TBL1Y: variants seen among roughly 807,000 people sequenced by gnomAD.
The protein encoded by TBL1Y is transducin beta like 1 Y-linked.
In TBL1Y, 15 loss-of-function variants were observed where a neutral mutation model predicts 12.0. The ratio of observed to expected loss-of-function variants is 1.25; its 90% CI spans 0.83 to 1.92. The LOEUF (loss-of-function observed/expected upper bound fraction) is 1.92. Among genes scored for constraint, TBL1Y ranks in the 40% most tolerant of loss-of-function variants. TBL1Y has a pLI of 0.00. For synonymous variants in TBL1Y, 53 were observed against 42.6 expected, an observed-to-expected ratio of 1.24 and a Z score of -0.95; for missense variants, 148 against 116.7, an observed-to-expected ratio of 1.27 and a Z score of -1.24.
chrY:7,021,701 C>G (rs903759308), intron 5 of TBL1Y, among the ~76,000 whole-genome samples, 164 bp downstream of exon 5: 4 of 33,537 alleles, frequency 1.2e-4, no homozygotes, highest in Admixed American at 5.5e-4. Flanking sequence ...TTAGAGAAAC[C>G]ATTATTAAAT....
At chrY:6,965,190 G>T (rs761839178) in intron 2 of TBL1Y, among the ~76,000 whole-genome samples, 1 of 32,787 alleles carries the variant, frequency 3.0e-5, no homozygotes, top group East Asian at 8.1e-4. Flanking sequence ...GGAGTTGGTG[G>T]CCATCATCGT....
chrY:6,984,281 T>C, intron 3 of TBL1Y, among the ~76,000 whole-genome samples: 1 of 32,950 alleles, frequency 3.0e-5, no homozygotes, highest in Non-Finnish European at 7.5e-5. Context: ...CCTGTACTGG[T>C]TGGGTGCGGA....
intron 14 of TBL1Y, among the ~76,000 whole-genome samples, chrY:7,085,161 TACACACACACAC>T (rs35028329): frequency 1.8e-4 from 3 of 16,917 alleles, no homozygotes; most frequent in Non-Finnish European, 3.8e-4. Flanking sequence ...CTGTAAAAAA[TACACACACACAC>T]ACACACACAC....
chrY:6,963,095 G>A (rs916933058), intron 2 of TBL1Y, among the ~76,000 whole-genome samples: 1 of 32,947 alleles, frequency 3.0e-5, no homozygotes, highest in Non-Finnish European at 7.5e-5. Context: ...AACAAGTCTC[G>A]GCCCCATAAA....
At chrY:7,045,005 G>C in intron 7 of TBL1Y, among the ~76,000 whole-genome samples, 1 of 32,701 alleles carries the variant, frequency 3.1e-5, no homozygotes, top group East Asian at 8.0e-4. Flanking sequence ...TAAAAACTCT[G>C]GTGTCTGTGC....
chrY:6,948,574 C>G, intron 2 of TBL1Y, among the ~76,000 whole-genome samples: 1 of 25,873 alleles, frequency 3.9e-5, no homozygotes, highest in African/African-American at 1.6e-4. Flanking sequence ...ACTCCGGAGG[C>G]TGAGGCCAGA....
intron 4 of TBL1Y, among the ~76,000 whole-genome samples, chrY:6,996,927 C>T (rs2012414812): frequency 3.1e-5 from 1 of 32,676 alleles, no homozygotes; most frequent in Admixed American, 2.8e-4. Context: ...CAGTTCCATC[C>T]ATCCTGGGTA....
intron 3 of TBL1Y, among the ~76,000 whole-genome samples, chrY:6,988,532 C>T (rs1603034474): frequency 1.6e-4 from 5 of 30,810 alleles, no homozygotes; most frequent in East Asian, 8.2e-4. Flanking sequence ...TGGAGGTGCG[C>T]GCCTGTAATC....
intron 13 of TBL1Y, among the ~76,000 whole-genome samples, chrY:7,076,925 A>G (rs2013065400): frequency 3.7e-5 from 1 of 26,849 alleles, no homozygotes; most frequent in Non-Finnish European, 8.7e-5. Context: ...AAAAAAAAAA[A>G]AAAAAGAGAG....
chrY:6,998,814 A>C, intron 4 of TBL1Y, among the ~76,000 whole-genome samples: 3 of 33,377 alleles, frequency 9.0e-5, no homozygotes, highest in African/African-American at 3.5e-4. Flanking sequence ...GCCTCAAGAC[A>C]TGTAGGAAAT....
chrY:7,027,813 T>C, intron 6 of TBL1Y, among the ~76,000 whole-genome samples: 1 of 33,615 alleles, frequency 3.0e-5, no homozygotes, highest in Admixed American at 2.7e-4. Context: ...CTCAAGCACC[T>C]GTACTGTCAT....
chrY:7,037,543 A>G (rs2012700226), intron 6 of TBL1Y, among the ~76,000 whole-genome samples: 1 of 33,319 alleles, frequency 3.0e-5, no homozygotes, highest in Non-Finnish European at 7.4e-5. Context: ...ATGGAGAGTC[A>G]ACTGTATATA....
chrY:7,041,635 AAC>A (rs2012721759), intron 6 of TBL1Y, among the ~76,000 whole-genome samples: 3 of 33,215 alleles, frequency 9.0e-5, no homozygotes, highest in Non-Finnish European at 1.5e-4. Context: ...GTCCTTCAAA[AAC>A]ACAGTGAGGA....
chrY:6,993,605 C>T (rs2012390105), intron 3 of TBL1Y, among the ~76,000 whole-genome samples: 1 of 31,313 alleles, frequency 3.2e-5, no homozygotes, highest in Non-Finnish European at 7.6e-5. Context: ...TGTGTGTTCT[C>T]ATTCTTCAGC....
intron 2 of TBL1Y, among the ~76,000 whole-genome samples, chrY:6,940,598 A>C: frequency 3.0e-5 from 1 of 33,126 alleles, no homozygotes; most frequent in Admixed American, 2.8e-4. Context: ...TTGTGGGTCT[A>C]GGTCCTCATT....
At chrY:6,930,547 G>T in intron 2 of TBL1Y, among the ~76,000 whole-genome samples, 1 of 33,163 alleles carries the variant, frequency 3.0e-5, no homozygotes, top group African/African-American at 1.2e-4. Flanking sequence ...CTTCTGAGTG[G>T]GGTGGGGACT....
At chrY:7,057,685 C>T in intron 7 of TBL1Y, among the ~76,000 whole-genome samples, 1 of 33,597 alleles carries the variant, frequency 3.0e-5, no homozygotes, top group South Asian at 6.9e-4. Flanking sequence ...AGAGCAGTCA[C>T]ACACTGCAAT....
chrY:7,072,607 A>C, intron 12 of TBL1Y, among the ~76,000 whole-genome samples: 2 of 34,244 alleles, frequency 5.8e-5, no homozygotes, highest in African/African-American at 2.3e-4. Context: ...TCAGAGCAGG[A>C]ATCTAGCAAC....
intron 6 of TBL1Y, among the ~76,000 whole-genome samples, chrY:7,027,273 G>A: frequency 3.0e-5 from 1 of 33,205 alleles, no homozygotes; most frequent in Non-Finnish European, 7.4e-5. Flanking sequence ...GTTCATTCTT[G>A]GGATGTTTTC....
Sources: allele counts gnomAD v4.1 joint callset (sites outside exome capture counted in the v4.1 genomes callset), GRCh38; gene constraint gnomAD v4.1.1; transcripts MANE v1.5; gene names NCBI Gene and HGNC (gene_info 2026-07-23, HGNC 2026-07-21).